ADAMTS17: variants seen among roughly 807,000 people sequenced by gnomAD.
The protein encoded by ADAMTS17 is ADAM metallopeptidase with thrombospondin type 1 motif 17.
ADAMTS17 carries 113 observed loss-of-function variants against 141.5 expected under a neutral mutation model. The observed-to-expected ratio is 0.80, with a 90% confidence interval of 0.69 to 0.93. The LOEUF (loss-of-function observed/expected upper bound fraction) is 0.93, where lower values mean the gene tolerates loss of function less well. Ranked by LOEUF, ADAMTS17 falls within the 40% of genes least tolerant of loss-of-function variation. ADAMTS17 has a pLI of 0.00. For synonymous variants in ADAMTS17, 768 were observed against 630.6 expected, an observed-to-expected ratio of 1.22 and a Z score of -3.27; for missense variants, 1,659 against 1,517.9, an observed-to-expected ratio of 1.09 and a Z score of -1.54.
At chr15:100,154,099 T>C (rs1473587401) in intron 9 of ADAMTS17, among the ~76,000 whole-genome samples, 1 of 152,088 alleles carries the variant, frequency 6.6e-6, no homozygotes, top group Non-Finnish European at 1.5e-5. Context: ...GAGAATTGCT[T>C]GAACCTGGGA....
At chr15:100,315,038 C>T (rs571684377) in intron 3 of ADAMTS17, among the ~76,000 whole-genome samples, 15 of 152,340 alleles carry the variant, frequency 9.8e-5, no homozygotes, top group Admixed American at 2.0e-4. Flanking sequence ...CAAACCCCGC[C>T]GGCTCTGTTG....
intron 7 of ADAMTS17, among the ~76,000 whole-genome samples, chr15:100,242,830 T>C (rs1161792085): frequency 6.6e-6 from 1 of 152,236 alleles, no homozygotes; most frequent in Non-Finnish European, 1.5e-5. Context: ...AAAGTATACA[T>C]AACATAAAAT....
chr15:100,204,736 A>G (rs1466144471), intron 7 of ADAMTS17, among the ~76,000 whole-genome samples: 1 of 152,240 alleles, frequency 6.6e-6, no homozygotes, highest in East Asian at 1.9e-4. Context: ...AAGCCTTCTT[A>G]GCTATAACAT....
chr15:100,113,638 C>T (rs1015118371), intron 13 of ADAMTS17, among the ~76,000 whole-genome samples: 2 of 152,246 alleles, frequency 1.3e-5, no homozygotes, highest in Non-Finnish European at 2.9e-5. Flanking sequence ...AGCCAGTCTG[C>T]AGTGGGTGCA....
chr15:100,191,441 T>A (rs1387730529), intron 8 of ADAMTS17, among the ~76,000 whole-genome samples: 1 of 152,130 alleles, frequency 6.6e-6, no homozygotes, highest in African/African-American at 2.4e-5. Flanking sequence ...TTTCCCTCCC[T>A]CCAAGCCAGG....
chr15:100,205,970 G>A (rs1436966597), intron 7 of ADAMTS17, among the ~76,000 whole-genome samples: 1 of 152,166 alleles, frequency 6.6e-6, no homozygotes, highest in African/African-American at 2.4e-5. Flanking sequence ...GCTCCACACT[G>A]AGCCACGCAC....
chr15:100,333,239 C>G (rs1030019869), intron 2 of ADAMTS17, among the ~76,000 whole-genome samples: 1 of 152,178 alleles, frequency 6.6e-6, no homozygotes, highest in Non-Finnish European at 1.5e-5. Flanking sequence ...GAGGCAAGAT[C>G]AGAATTATTC....
At chr15:100,233,539 G>C (rs760201592) in intron 7 of ADAMTS17, among the ~76,000 whole-genome samples, 14 of 152,092 alleles carry the variant, frequency 9.2e-5, no homozygotes, top group Non-Finnish European at 1.9e-4. Flanking sequence ...AGTGAAATCA[G>C]TTGTATTAAT....
chr15:100,330,682 C>T (rs1334548791), intron 3 of ADAMTS17, among the ~76,000 whole-genome samples: 1 of 152,124 alleles, frequency 6.6e-6, no homozygotes, highest in Admixed American at 6.5e-5. Context: ...AGGTTCCTTG[C>T]AGAAACAAAA....
chr15:99,986,792 A>AC (rs1286992756), intron 20 of ADAMTS17, among the ~76,000 whole-genome samples: 1 of 152,064 alleles, frequency 6.6e-6, no homozygotes, highest in Admixed American at 6.5e-5. Flanking sequence ...AGGGCCCGCC[A>AC]CCCCCAGAGT....
intron 12 of ADAMTS17, among the ~76,000 whole-genome samples, chr15:100,119,644 G>A (rs1373564884): frequency 4.6e-5 from 7 of 152,346 alleles, no homozygotes; most frequent in South Asian, 4.1e-4. Context: ...GATATGATGT[G>A]ATATGATGTA....
chr15:100,324,521 ATAC>A (rs2045840344), intron 3 of ADAMTS17, among the ~76,000 whole-genome samples: 3 of 152,232 alleles, frequency 2.0e-5, no homozygotes, highest in Admixed American at 6.5e-5. Context: ...GGCAAGGACC[ATAC>A]TATGTCATGT....
chr15:100,044,568 A>C (rs937899632), intron 18 of ADAMTS17, among the ~76,000 whole-genome samples: 6 of 152,218 alleles, frequency 3.9e-5, no homozygotes, highest in African/African-American at 1.4e-4. Context: ...CCATGAGCAT[A>C]GCTTTTCTTA....
At chr15:100,008,779 G>C (rs1209283313) in intron 18 of ADAMTS17, among the ~76,000 whole-genome samples, 2 of 152,182 alleles carry the variant, frequency 1.3e-5, no homozygotes, top group African/African-American at 2.4e-5. Flanking sequence ...CCTACCCCTG[G>C]TGGGTCAGCC....
chr15:100,072,981 C>A (rs370845940), intron 15 of ADAMTS17, among the ~76,000 whole-genome samples: 2 of 152,234 alleles, frequency 1.3e-5, no homozygotes, highest in South Asian at 4.1e-4. Flanking sequence ...GAACAGGCAA[C>A]CTGCAGAATG....
rs1292249185 is a variant in ADAMTS17, at chr15:100,087,644, T to G, written c.2137+8712A>C. Reference sequence around the variant, plus strand: ...ACATCAAAAAGCTTATGCACCATGATCAAGTGGGCTTCATTCCTGGGATGC... The same window carrying G: ...ACATCAAAAAGCTTATGCACCATGAGCAAGTGGGCTTCATTCCTGGGATGC... On this transcript the variant is annotated intron_variant, in intron 15 of 21. Transcript: ENST00000268070. 7.2e-5 allele frequency among the ~76,000 whole-genome samples: 11 copies of G among 152,286 alleles called. No individual in the cohort carries two copies. The East Asian group carries it at 1.5e-3, about 21-fold the overall frequency.
chr15:100,271,390 G>A (rs2043905535), intron 4 of ADAMTS17, among the ~76,000 whole-genome samples: 1 of 150,314 alleles, frequency 6.7e-6, no homozygotes, highest in African/African-American at 2.4e-5. Flanking sequence ...CAACACTTCT[G>A]TTTTGTTTTG....
At chr15:100,256,030 T>A (rs763912207) in intron 6 of ADAMTS17, among the ~76,000 whole-genome samples, 28 of 152,192 alleles carry the variant, frequency 1.8e-4, no homozygotes, top group Non-Finnish European at 3.7e-4. Context: ...CTGTTCAAGG[T>A]CCTTTCTCAG....
chr15:100,008,984 C>T (rs910571348), intron 18 of ADAMTS17, among the ~76,000 whole-genome samples: 4 of 152,126 alleles, frequency 2.6e-5, no homozygotes, highest in East Asian at 3.9e-4. Context: ...GGACGACAGG[C>T]GTGTGTCACC....
Sources: gnomAD v4.1 joint callset for allele counts (sites outside exome capture counted in the v4.1 genomes callset) on GRCh38, gnomAD v4.1.1 for gene constraint, MANE v1.5 for transcripts, NCBI Gene and HGNC (gene_info 2026-07-23, HGNC 2026-07-21) for gene names.